Variants in KIAA0753 observed in about 807,000 individuals in gnomAD.
KIAA0753 encodes KIAA0753.
In KIAA0753, 114 loss-of-function variants were observed where a neutral mutation model predicts 116.9. The ratio of observed to expected loss-of-function variants is 0.98; its 90% CI spans 0.84 to 1.14. KIAA0753 has a LOEUF of 1.14. Among genes scored for constraint, KIAA0753 ranks in the 50% most tolerant of loss-of-function variants. The pLI is 0.00. For synonymous variants in KIAA0753, 405 were observed against 413.1 expected (o/e 0.98, Z 0.24); for missense variants, 1,156 against 1,172.4 (o/e 0.99, Z 0.20).
intron 16 of KIAA0753, 80 bp from the exon 17 acceptor site, chr17:6,590,710 C>T (rs952753382): frequency 1.3e-6 from 2 of 1,510,790 alleles, no homozygotes; most frequent in Non-Finnish European, 1.8e-6. Context: ...TGGCCAAGAA[C>T]CTGAGAGCAA....
rs779913062 is a variant in KIAA0753 at position 6,628,123 on chromosome 17, T to G, written c.712A>C (p.Lys238Gln). ...SCIHKIEEVT[K>Q]KDRLEEALDP... ...AGAATCTAATTTTTCTCACCTTTTT[T>G]AGTTACCTCTTCAATTTTGTGGATA... Residue 238 changes from lysine (K) to glutamine (Q), a missense_variant, in exon 3 of 19, where the codon AAA (lysine) becomes CAA (glutamine). Physicochemically the swap from Lys to Gln is moderately conservative, Grantham distance 53. Transcript: ENST00000361413. 4 of 1,605,942 alleles carry G rather than the reference T, an allele frequency of 2.5e-6. No individual in the cohort carries two copies. In the Admixed American group the frequency reaches 6.9e-5, roughly 28 times the overall value.
chr17:6,584,838 G>A (rs985824621), intron 18 of KIAA0753, among the ~76,000 whole-genome samples: 4 of 152,186 alleles, frequency 2.6e-5, no homozygotes, highest in African/African-American at 9.7e-5. Flanking sequence ...ACCTGAAAAT[G>A]TGTTTTTGTT....
intron 1 of KIAA0753, among the ~76,000 whole-genome samples, chr17:6,636,605 C>T (rs747728455): frequency 4.6e-5 from 7 of 152,108 alleles, no homozygotes; most frequent in Non-Finnish European, 1.0e-4. Context: ...CCCTTTCCCA[C>T]TGCTCCAGGA....
rs909101921 is a variant in KIAA0753, at chr17:6,579,566, T to C, written c.*181A>G. 2 of 611,908 alleles carry C rather than the reference T, an allele frequency of 3.3e-6. No homozygotes were observed. The highest frequency in any genetic ancestry group is 5.9e-6 in the Non-Finnish European group (2 of 339,290). 37.9% of individuals were successfully genotyped at this position (611,908 alleles called of 1,614,324 possible). A position where few individuals can be genotyped will look rare whatever the true frequency, so the allele number is the denominator to read the frequency against. ...ATTGCATCATACATTTCCAGAACCA[T>C]TGCCATGACAAAAGAAAATGCAAAG... On this transcript the variant is annotated 3_prime_UTR_variant, in exon 19 of 19. Coordinates refer to ENST00000361413, the MANE Select transcript of KIAA0753 (RefSeq NM_014804.3).
intron 9 of KIAA0753, among the ~76,000 whole-genome samples, chr17:6,609,668 GAC>G (rs2150828162): frequency 6.6e-6 from 1 of 152,288 alleles, no homozygotes; most frequent in South Asian, 2.1e-4. Flanking sequence ...ATATAAAAAA[GAC>G]ACAGTCCCTG....
At chr17:6,605,703 C>T (rs1248630127) in intron 12 of KIAA0753, among the ~76,000 whole-genome samples, 2 of 152,006 alleles carry the variant, frequency 1.3e-5, no homozygotes, top group Non-Finnish European at 2.9e-5. Flanking sequence ...AGGACAGTGG[C>T]TGCCTCTCGG....
At chr17:6,596,425 T>G in intron 14 of KIAA0753, 82 bp from the exon 15 acceptor site, 1 of 1,104,398 alleles carries the variant, frequency 9.1e-7, no homozygotes, top group Non-Finnish European at 1.3e-6. Flanking sequence ...CAGAAAAACA[T>G]AAAAATTATT....
At position 6,589,759 on chromosome 17, in the gene KIAA0753, G is replaced by T; in HGVS notation, c.2786+20C>A. 6.4e-7 allele frequency: 1 copy of T among 1,571,734 alleles called. No individual in the cohort carries two copies. The highest frequency in any genetic ancestry group is 1.2e-5 in the South Asian group (1 of 86,148). The stretch of plus-strand genomic sequence containing the variant: ...TTTGCAATTTGGTTCCTAAACAGAG[G>T]ACCGTAACATTTTACTGACCTTTCA... On this transcript the variant is annotated intron_variant, in intron 18 of 18. Coordinates refer to ENST00000361413, the MANE Select transcript of KIAA0753 (RefSeq NM_014804.3).
intron 7 of KIAA0753, among the ~76,000 whole-genome samples, chr17:6,616,162 T>G (rs966300484): frequency 1.3e-5 from 2 of 152,140 alleles, no homozygotes; most frequent in African/African-American, 4.8e-5. Context: ...ATCTTAAGTG[T>G]TTTACTCAAG....
chr17:6,618,077 G>A (rs1325464318), intron 7 of KIAA0753, among the ~76,000 whole-genome samples: 1 of 151,992 alleles, frequency 6.6e-6, no homozygotes, highest in African/African-American at 2.4e-5. Context: ...ACTCCAGCCT[G>A]GGCAACGAGA....
At position 6,607,043 on chromosome 17, in the gene KIAA0753, C is replaced by A. The variant is rs528226555; in HGVS notation, c.1920-81G>T. On this transcript the variant is annotated intron_variant, in intron 11 of 18. Transcript: ENST00000361413. ...CCTTGAGCTCCAGTCTTGGCTCCCCCCTTGGCTTCTTAAGTGACTTCAGTC... is the reference window on the plus strand; with the variant it reads ...CCTTGAGCTCCAGTCTTGGCTCCCCACTTGGCTTCTTAAGTGACTTCAGTC... The A allele has an allele frequency of 7.0e-5, 102 of 1,463,870 alleles. No individual in the cohort carries two copies. In the South Asian group the frequency reaches 9.1e-4, roughly 13 times the overall value. 90.7% of individuals were successfully genotyped at this position (1,463,870 alleles called of 1,614,324 possible). A position where few individuals can be genotyped will look rare whatever the true frequency, so the allele number is the denominator to read the frequency against.
chr17:6,615,293 TAGCTG>T (rs1200172312), intron 7 of KIAA0753, among the ~76,000 whole-genome samples: 4 of 152,146 alleles, frequency 2.6e-5, no homozygotes, highest in African/African-American at 9.7e-5. Context: ...AGTCACCTAG[TAGCTG>T]TCTTGGTGAT....
At chr17:6,627,304 T>C (rs1971730701) in intron 3 of KIAA0753, among the ~76,000 whole-genome samples, 2 of 152,232 alleles carry the variant, frequency 1.3e-5, no homozygotes, top group Non-Finnish European at 2.9e-5. Flanking sequence ...TTTTATCTTA[T>C]TCAATCACAG....
chr17:6,605,495 G>A (rs780856156), intron 12 of KIAA0753, among the ~76,000 whole-genome samples: 1 of 152,160 alleles, frequency 6.6e-6, no homozygotes, highest in Non-Finnish European at 1.5e-5. Flanking sequence ...GCACAAATCA[G>A]ATTAGGATCC....
intron 13 of KIAA0753, 134 bp downstream of exon 13, chr17:6,600,246 G>C (rs376313391): frequency 1.5e-6 from 1 of 687,106 alleles, no homozygotes. Flanking sequence ...AGTAGTGTGT[G>C]GTGGTCTGGG....
intron 18 of KIAA0753, among the ~76,000 whole-genome samples, chr17:6,589,019 C>G (rs1383756599): frequency 6.6e-6 from 1 of 152,130 alleles, no homozygotes; most frequent in African/African-American, 2.4e-5. Flanking sequence ...TTTGTGTTCT[C>G]TGATGGGACA....
At position 6,600,370 on chromosome 17, in the gene KIAA0753, G is replaced by C; in HGVS notation, c.2088+10C>G. 6.2e-7 allele frequency: 1 copy of C among 1,609,674 alleles called. No homozygotes were observed. The highest frequency in any genetic ancestry group is 8.5e-7 in the Non-Finnish European group (1 of 1,176,202). On this transcript the variant is annotated intron_variant, in intron 13 of 18. Transcript: ENST00000361413. ...AAAAGCAAGCAAATGAAACGAACTA[G>C]ATAGATTACCTGGGCCTTGACCAAG...
intron 2 of KIAA0753, among the ~76,000 whole-genome samples, chr17:6,633,732 G>T (rs759154376): frequency 6.6e-6 from 1 of 152,156 alleles, no homozygotes; most frequent in Non-Finnish European, 1.5e-5. Context: ...ACTGATACAT[G>T]CAATGACAAG....
Position 6,628,722 on chromosome 17 carries a change from C to T in KIAA0753, c.113G>A (p.Arg38Lys), listed in dbSNP as rs377589510. 58 of 1,592,244 alleles carry T rather than the reference C, an allele frequency of 3.6e-5. No homozygotes were observed. The highest frequency in any genetic ancestry group is 4.6e-5 in the Non-Finnish European group (54 of 1,170,630). ...GTTGCTTGAATGTGTAGGAACATTC[C>T]TATTAAACTGCAGCTGGTTCTTTAA... ...LQTQNQLQFNRNVPTHSSNLA... is the reference protein window; with the variant it reads ...LQTQNQLQFNKNVPTHSSNLA... The change falls in exon 3 of 19, where the codon AGG becomes AAG. Residue 38 changes from arginine (R) to lysine (K), a missense_variant. By Grantham distance (26) the Arg-to-Lys change is conservative. Transcript: ENST00000361413.
Sources: allele counts gnomAD v4.1 joint callset (sites outside exome capture counted in the v4.1 genomes callset), GRCh38; gene constraint gnomAD v4.1.1; transcripts MANE v1.5; gene names NCBI Gene and HGNC (gene_info 2026-07-23, HGNC 2026-07-21).